The following RORA variants were observed in gnomAD, a reference collection of about 807,000 sequenced individuals.
The protein encoded by RORA is RAR related orphan receptor A.
In RORA, 7 loss-of-function variants were observed where a neutral mutation model predicts 69.5. The ratio of observed to expected loss-of-function variants is 0.10; its 90% confidence interval spans 0.06 to 0.19. The LOEUF (loss-of-function observed/expected upper bound fraction) is 0.19. Among genes scored for constraint, RORA ranks in the 10% least tolerant of loss-of-function variants. RORA has a pLI of 1.00. For synonymous variants in RORA, 261 were observed against 240.8 expected, an observed-to-expected ratio of 1.08 and a Z score of -0.78; for missense variants, 457 against 663.0, an observed-to-expected ratio of 0.69 and a Z score of 3.41.
At chr15:60,568,266 G>T (rs141834641) in intron 2 of RORA, among the ~76,000 whole-genome samples, 1 of 152,106 alleles carries the variant, frequency 6.6e-6, no homozygotes, top group African/African-American at 2.4e-5. Flanking sequence ...CAGAGACAAG[G>T]GTTGCCCCAC....
intron 1 of RORA, among the ~76,000 whole-genome samples, chr15:60,714,579 G>A (rs1363884593): frequency 6.6e-6 from 1 of 151,418 alleles, no homozygotes; most frequent in African/African-American, 2.4e-5. Context: ...TGGCCAGGCT[G>A]GTCTCGAACT....
chr15:60,699,272 T>G (rs1025452120), intron 1 of RORA, among the ~76,000 whole-genome samples: 1 of 152,188 alleles, frequency 6.6e-6, no homozygotes, highest in Non-Finnish European at 1.5e-5. Context: ...CACCTATACT[T>G]AAAATATTTT....
At chr15:61,122,181 TGCTGTTTGA>T (rs1190561832) in intron 1 of RORA, among the ~76,000 whole-genome samples, 1 of 152,230 alleles carries the variant, frequency 6.6e-6, no homozygotes, top group Non-Finnish European at 1.5e-5. Context: ...AGCCAGGCTC[TGCTGTTTGA>T]GCTGAAAAGT....
chr15:60,993,304 C>T lies in RORA; in HGVS notation c.166+235749G>A, dbSNP rs185810596. Among the ~76,000 whole-genome samples the T allele has an allele frequency of 4.6e-5, 7 of 152,160 alleles. No individual in the cohort carries two copies. In the East Asian group the frequency reaches 1.4e-3, roughly 29 times the overall value. On this transcript the variant is annotated intron_variant, in intron 1 of 10. Transcript: ENST00000335670. ...TATTGTGGGGAAGGTATTACTGTCCCCCTTTTATAGACTGGCTAAGAAACT... is the reference window on the plus strand; with the variant it reads ...TATTGTGGGGAAGGTATTACTGTCCTCCTTTTATAGACTGGCTAAGAAACT...
chr15:61,043,877 CTT>C (rs1194817682), intron 1 of RORA, among the ~76,000 whole-genome samples: 1 of 152,112 alleles, frequency 6.6e-6, no homozygotes, highest in African/African-American at 2.4e-5. Flanking sequence ...GTAGCCTGCT[CTT>C]GTGTCCAGAT....
intron 1 of RORA, among the ~76,000 whole-genome samples, chr15:61,167,211 A>T (rs2079545736): frequency 1.3e-5 from 2 of 152,200 alleles, no homozygotes; most frequent in Non-Finnish European, 2.9e-5. Flanking sequence ...TTAAATGTCA[A>T]CCTGCTAGGA....
At chr15:60,504,796 A>G (rs948430593) in intron 6 of RORA, among the ~76,000 whole-genome samples, 2 of 152,130 alleles carry the variant, frequency 1.3e-5, no homozygotes, top group Non-Finnish European at 2.9e-5. Context: ...AATGGTCTGG[A>G]TCTTTTTCGT....
chr15:60,867,651 T>A (rs752411281), intron 1 of RORA, among the ~76,000 whole-genome samples: 6 of 152,160 alleles, frequency 3.9e-5, no homozygotes, highest in Non-Finnish European at 7.3e-5. Context: ...CCTAAGTGTA[T>A]CAATGTGCTA....
intron 1 of RORA, among the ~76,000 whole-genome samples, chr15:60,828,319 G>A (rs568803740): frequency 6.6e-6 from 1 of 152,340 alleles, no homozygotes; most frequent in South Asian, 2.1e-4. Flanking sequence ...AGGTGGCCCT[G>A]CCAATCTAGT....
chr15:60,663,987 T>G (rs907349251), intron 2 of RORA, among the ~76,000 whole-genome samples: 5 of 152,168 alleles, frequency 3.3e-5, no homozygotes, highest in African/African-American at 4.8e-5. Context: ...TCTGTGAGAA[T>G]GAGTCCCATA....
intron 2 of RORA, among the ~76,000 whole-genome samples, chr15:60,533,016 C>G (rs554295603): frequency 1.3e-5 from 2 of 152,338 alleles, no homozygotes; most frequent in East Asian, 3.9e-4. Context: ...ACACAGCCCA[C>G]TCTTTCTTCT....
At chr15:60,640,983 C>T (rs1205181684) in intron 2 of RORA, among the ~76,000 whole-genome samples, 4 of 152,264 alleles carry the variant, frequency 2.6e-5, no homozygotes, top group African/African-American at 7.2e-5. Context: ...GACAGAATCT[C>T]GCTCTATTGC....
At chr15:60,680,357 T>A (rs2070624928) in intron 1 of RORA, among the ~76,000 whole-genome samples, 1 of 152,210 alleles carries the variant, frequency 6.6e-6, no homozygotes, top group Non-Finnish European at 1.5e-5. Flanking sequence ...AACTATTTTC[T>A]CTTGACATCC....
intron 1 of RORA, among the ~76,000 whole-genome samples, chr15:60,757,271 T>C (rs2071816816): frequency 6.6e-6 from 1 of 152,122 alleles, no homozygotes; most frequent in Non-Finnish European, 1.5e-5. Flanking sequence ...ATCATCAGTC[T>C]TTCCTTTTCT....
chr15:60,714,911 C>A (rs1380823712), intron 1 of RORA, among the ~76,000 whole-genome samples: 1 of 152,070 alleles, frequency 6.6e-6, no homozygotes, highest in Non-Finnish European at 1.5e-5. Flanking sequence ...CACAGAAGAG[C>A]CATCCAATCC....
At chr15:60,583,514 T>C (rs548731702) in intron 2 of RORA, among the ~76,000 whole-genome samples, 1 of 152,292 alleles carries the variant, frequency 6.6e-6, no homozygotes, top group South Asian at 2.1e-4. Context: ...ATACATTGTG[T>C]CTATGTCACA....
chr15:60,626,576 G>A (rs1374268469), intron 2 of RORA, among the ~76,000 whole-genome samples: 1 of 152,114 alleles, frequency 6.6e-6, no homozygotes, highest in Non-Finnish European at 1.5e-5. Flanking sequence ...TCAGTGCTTT[G>A]CGTGGATTGT....
intron 2 of RORA, among the ~76,000 whole-genome samples, chr15:60,559,612 G>T (rs1019178203): frequency 6.6e-6 from 1 of 152,208 alleles, no homozygotes; most frequent in Non-Finnish European, 1.5e-5. Context: ...TTCATCACAG[G>T]TGAGGTATTG....
chr15:60,605,723 T>C lies in RORA; in HGVS notation c.196+72934A>G, dbSNP rs182433906. Among the ~76,000 whole-genome samples the C allele has an allele frequency of 3.9e-5, 6 of 152,306 alleles. No individual in the cohort carries two copies. In the South Asian group the frequency reaches 8.3e-4, roughly 21 times the overall value. On this transcript the variant is annotated intron_variant, in intron 2 of 10. Transcript: ENST00000335670. ...ATATTTGATTACAAAGCAAAACAGATAAGTAAAACCACAGAGTAAATAATG... is the reference window on the plus strand; with the variant it reads ...ATATTTGATTACAAAGCAAAACAGACAAGTAAAACCACAGAGTAAATAATG...
Sources: gnomAD v4.1 joint callset for allele counts (sites outside exome capture counted in the v4.1 genomes callset) on GRCh38, gnomAD v4.1.1 for gene constraint, MANE v1.5 for transcripts, NCBI Gene and HGNC (gene_info 2026-07-23, HGNC 2026-07-21) for gene names.